The following PCDHA10 variants were observed in gnomAD, a reference collection of about 807,000 sequenced individuals.
The protein encoded by PCDHA10 is protocadherin alpha-10.
A neutral mutation model predicts 61.2 loss-of-function variants in PCDHA10; 45 were observed. The ratio of observed to expected loss-of-function variants is 0.74; its 90% confidence interval spans 0.58 to 0.94. The LOEUF is 0.94. Among genes scored for constraint, PCDHA10 ranks in the 40% least tolerant of loss-of-function variants. The pLI is 0.00. For missense variants in PCDHA10, 1,278 were observed against 1,236.2 expected, an observed-to-expected ratio of 1.03 and a Z score of -0.51; for synonymous variants, 602 against 548.8, an observed-to-expected ratio of 1.10 and a Z score of -1.35.
chr5:140,967,974 G>A (rs782644202), intron 1 of PCDHA10: 3 of 1,614,204 alleles, frequency 1.9e-6, no homozygotes, highest in South Asian at 1.1e-5. Flanking sequence ...GTGAGCCTGG[G>A]TCTGGAGGCC....
chr5:140,998,186 CA>C (rs1323195881), intron 3 of PCDHA10, among the ~76,000 whole-genome samples: 1 of 152,088 alleles, frequency 6.6e-6, no homozygotes, highest in African/African-American at 2.4e-5. Context: ...AAGCACTTTA[CA>C]AGTATTAACT....
chr5:140,876,685 T>C, intron 1 of PCDHA10: 1 of 1,614,216 alleles, frequency 6.2e-7, no homozygotes, highest in Non-Finnish European at 8.5e-7. Flanking sequence ...CAAGAATTAC[T>C]ACTCGTTGGT....
chr5:140,993,266 T>G (rs1049781348), intron 3 of PCDHA10, among the ~76,000 whole-genome samples: 1 of 152,182 alleles, frequency 6.6e-6, no homozygotes, highest in Non-Finnish European at 1.5e-5. Flanking sequence ...AATTAGCTTC[T>G]TTGGTCTTTT....
intron 1 of PCDHA10, chr5:140,876,539 C>G: frequency 6.2e-7 from 1 of 1,614,170 alleles, no homozygotes; most frequent in Non-Finnish European, 8.5e-7. Flanking sequence ...ACTTCACTGT[C>G]GCTCCCTGTG....
intron 1 of PCDHA10, among the ~76,000 whole-genome samples, chr5:140,900,279 C>A (rs2067883641): frequency 6.6e-6 from 1 of 151,672 alleles, no homozygotes. Flanking sequence ...ATGTACCACA[C>A]TTTCTTTTCT....
chr5:141,006,296 C>G (rs2153987135), intron 3 of PCDHA10, among the ~76,000 whole-genome samples: 1 of 152,102 alleles, frequency 6.6e-6, no homozygotes, highest in East Asian at 1.9e-4. Context: ...ACTGCAAGCT[C>G]CACTTCCCGG....
rs374506056 is a variant in PCDHA10, at chr5:140,858,272, G to T, written c.2224G>T (p.Ala742Ser). 1.3e-4 allele frequency: 201 copies of T among 1,597,346 alleles called. 14 individuals carry two copies. In the African/African-American group the frequency reaches 2.1e-3, roughly 17 times the overall value. Residue 742 changes from alanine (A) to serine (S), a missense_variant, in exon 1 of 4, where the codon GCG (alanine) becomes TCG (serine). Transcript: ENST00000307360. ...PVKPTLVCSS[A>S]VGSWSYSQQR... is the part of the protein sequence containing the mutation. The stretch of plus-strand genomic sequence containing the variant: ...GAAGCCCACGCTGGTGTGCTCTAGC[G>T]CGGTGGGGAGCTGGTCTTACTCGCA...
chr5:140,869,287 C>T, intron 1 of PCDHA10: 1 of 1,613,538 alleles, frequency 6.2e-7, no homozygotes, highest in Non-Finnish European at 8.5e-7. Context: ...GCTGGTGCAG[C>T]GCCTGTTCCG....
At chr5:140,905,135 T>G (rs2071619691) in intron 1 of PCDHA10, among the ~76,000 whole-genome samples, 1 of 152,208 alleles carries the variant, frequency 6.6e-6, no homozygotes, top group Admixed American at 6.5e-5. Context: ...GAAGAGTTTT[T>G]CTGCTGTTAT....
chr5:140,923,133 G>T (rs1177084353), intron 1 of PCDHA10, among the ~76,000 whole-genome samples: 3 of 152,082 alleles, frequency 2.0e-5, no homozygotes, highest in African/African-American at 7.2e-5. Context: ...ACACTTTGAA[G>T]GTGGAATATA....
intron 1 of PCDHA10, among the ~76,000 whole-genome samples, chr5:140,914,843 A>G (rs1269507537): frequency 6.6e-6 from 1 of 152,142 alleles, no homozygotes; most frequent in Non-Finnish European, 1.5e-5. Context: ...CAAACACACA[A>G]AAGGAAGACT....
At chr5:140,877,942 C>G (rs1274042326) in intron 1 of PCDHA10, 1 of 1,367,756 alleles carries the variant, frequency 7.3e-7, no homozygotes, top group African/African-American at 1.5e-5. Context: ...ATCCTTTAAA[C>G]TATCGAATGT....
intron 1 of PCDHA10, among the ~76,000 whole-genome samples, chr5:140,890,477 C>G (rs1255992157): frequency 6.6e-6 from 1 of 151,926 alleles, no homozygotes; most frequent in African/African-American, 2.4e-5. Context: ...ATTTTTTGTG[C>G]GTTATTTTTG....
chr5:141,008,540 T>C (rs1435875214), intron 3 of PCDHA10, among the ~76,000 whole-genome samples: 2 of 152,190 alleles, frequency 1.3e-5, no homozygotes, highest in African/African-American at 4.8e-5. Context: ...ATGTCTTTTA[T>C]TGAAAACTCC....
chr5:140,989,939 C>T (rs533490284), intron 3 of PCDHA10, among the ~76,000 whole-genome samples: 2 of 152,004 alleles, frequency 1.3e-5, no homozygotes, highest in South Asian at 2.1e-4. Flanking sequence ...TGACATTCCA[C>T]GTTTTTCTCG....
intron 1 of PCDHA10, chr5:140,871,014 C>T (rs1554164974): frequency 1.2e-6 from 2 of 1,613,178 alleles, no homozygotes; most frequent in Admixed American, 1.7e-5. Flanking sequence ...GTGCCCTGGA[C>T]GAGGCAGACT....
At chr5:140,895,904 C>T (rs956599707) in intron 1 of PCDHA10, among the ~76,000 whole-genome samples, 10 of 152,136 alleles carry the variant, frequency 6.6e-5, no homozygotes, top group South Asian at 2.1e-4. Flanking sequence ...CTCCGCGTCC[C>T]GGGCTCAACA....
chr5:140,960,553 C>T (rs2095555809), intron 1 of PCDHA10, among the ~76,000 whole-genome samples: 1 of 152,078 alleles, frequency 6.6e-6, no homozygotes, highest in Non-Finnish European at 1.5e-5. Context: ...TTCATATAGA[C>T]TGAGCTTAGG....
intron 1 of PCDHA10, among the ~76,000 whole-genome samples, chr5:140,923,821 G>A (rs1009668330): frequency 1.3e-5 from 2 of 152,148 alleles, no homozygotes; most frequent in African/African-American, 2.4e-5. Flanking sequence ...GAAAATAGAC[G>A]TCAGTGGCAG....
Sources: gnomAD v4.1 joint callset for allele counts (sites outside exome capture counted in the v4.1 genomes callset) on GRCh38, gnomAD v4.1.1 for gene constraint, MANE v1.5 for transcripts, NCBI Gene and HGNC (gene_info 2026-07-23, HGNC 2026-07-21) for gene names.